DNAAF11: variants seen among roughly 807,000 people sequenced by gnomAD.
The protein encoded by DNAAF11 is dynein axonemal assembly factor 11.
A neutral mutation model predicts 60.8 loss-of-function variants in DNAAF11; 45 were observed. The observed-to-expected ratio is 0.74, with a 90% CI of 0.58 to 0.95. The LOEUF (loss-of-function observed/expected upper bound fraction) is 0.95, where lower values mean the gene tolerates loss of function less well. Among genes scored for constraint, DNAAF11 ranks in the 40% least tolerant of loss-of-function variants. DNAAF11 has a pLI of 0.00. For missense variants in DNAAF11, 546 were observed against 546.2 expected, an observed-to-expected ratio of 1.00 and a Z score of 0.00; for synonymous variants, 191 against 183.5, an observed-to-expected ratio of 1.04 and a Z score of -0.33.
chr8:132,691,123 A>C, the DNAAF11 span, among the ~76,000 whole-genome samples: 2 of 147,102 alleles, frequency 1.4e-5, no homozygotes, highest in Non-Finnish European at 2.9e-5. Context: ...GATTATTTGA[A>C]CTTCTTCTCC....
intron 7 of DNAAF11, among the ~76,000 whole-genome samples, chr8:132,616,308 C>A (rs117159427): frequency 0.029 from 4,427 of 152,066 alleles, 134 homozygotes; most frequent in Admixed American, 0.086. Flanking sequence ...GAGCGTGTAT[C>A]CTTTCTTCCC....
intron 10 of DNAAF11, among the ~76,000 whole-genome samples, chr8:132,593,867 CT>C (rs1201834875): frequency 6.6e-6 from 1 of 152,040 alleles, no homozygotes; most frequent in Non-Finnish European, 1.5e-5. Flanking sequence ...TTAACCACTA[CT>C]ATATACCACC....
chr8:132,620,072 G>A (rs757213146), intron 7 of DNAAF11, among the ~76,000 whole-genome samples: 4 of 152,286 alleles, frequency 2.6e-5, no homozygotes, highest in African/African-American at 7.2e-5. Flanking sequence ...GAAGGTAGGA[G>A]AGCAGCTTGT....
At chr8:132,678,355 A>G (rs1052468206), upstream of DNAAF11, among the ~76,000 whole-genome samples, 1 of 152,204 alleles carries the variant, frequency 6.6e-6, no homozygotes, top group Non-Finnish European at 1.5e-5. Context: ...ACAACCAATA[A>G]CTAATCAATG....
intron 3 of DNAAF11, among the ~76,000 whole-genome samples, chr8:132,642,945 C>A (rs181743765): frequency 6.6e-6 from 1 of 152,198 alleles, no homozygotes; most frequent in Non-Finnish European, 1.5e-5. Context: ...CATTTTTCCA[C>A]GGACGGTGGG....
chr8:132,653,214 A>G (rs1002848982), intron 3 of DNAAF11, among the ~76,000 whole-genome samples: 4 of 152,196 alleles, frequency 2.6e-5, no homozygotes, highest in Non-Finnish European at 1.5e-5. Context: ...AGATGGATGG[A>G]TAGATGGAAG....
chr8:132,615,943 T>C (rs949169050), intron 7 of DNAAF11, among the ~76,000 whole-genome samples: 1 of 152,148 alleles, frequency 6.6e-6, no homozygotes, highest in African/African-American at 2.4e-5. Context: ...CCATTTCTGC[T>C]TGTGGCAGGC....
At chr8:132,609,018 C>T (rs1450533124) in intron 10 of DNAAF11, among the ~76,000 whole-genome samples, 1 of 152,106 alleles carries the variant, frequency 6.6e-6, no homozygotes, top group Non-Finnish European at 1.5e-5. Flanking sequence ...TACTCTTTTT[C>T]CTCATCAGCA....
At chr8:132,631,819 A>G (rs1305950304) in intron 5 of DNAAF11, among the ~76,000 whole-genome samples, 1 of 152,138 alleles carries the variant, frequency 6.6e-6, no homozygotes, top group Non-Finnish European at 1.5e-5. Context: ...GAACAATGAG[A>G]ACACATGGAC....
chr8:132,667,874 G>C (rs937530518), intron 1 of DNAAF11, among the ~76,000 whole-genome samples: 4 of 152,188 alleles, frequency 2.6e-5, no homozygotes, highest in African/African-American at 9.7e-5. Context: ...GATACTGGAG[G>C]CTGTCCTGCT....
At chr8:132,677,981 A>T (rs1825813713), upstream of DNAAF11, among the ~76,000 whole-genome samples, 1 of 152,248 alleles carries the variant, frequency 6.6e-6, no homozygotes, top group African/African-American at 2.4e-5. Context: ...TATGCCTCTT[A>T]ATACTGCTAC....
At chr8:132,623,322 G>A (rs1305108922) in intron 6 of DNAAF11, among the ~76,000 whole-genome samples, 3 of 151,970 alleles carry the variant, frequency 2.0e-5, no homozygotes, top group Admixed American at 1.3e-4. Flanking sequence ...TGTTGATGAT[G>A]TATTTAGTGA....
intron 7 of DNAAF11, among the ~76,000 whole-genome samples, chr8:132,617,974 A>G (rs1270284136): frequency 6.7e-6 from 1 of 149,976 alleles, no homozygotes. Context: ...ACCAAAAAAG[A>G]GCCCACATCG....
chr8:132,661,526 G>T lies in DNAAF11; in HGVS notation c.112C>A (p.His38Asn). 6.2e-7 allele frequency: 1 copy of T among 1,613,578 alleles called. No individual in the cohort carries two copies. The highest frequency in any genetic ancestry group is 1.7e-5 in the Admixed American group (1 of 60,018). ...AAATCCCGGCACCATTTATCAATGT[G>T]TTCTAGTCTTTCTATTTCTTGCTGA... Reference protein sequence around the residue: ...LHQQEIERLEHIDKWCRDLKI... With the variant: ...LHQQEIERLENIDKWCRDLKI... Residue 38 changes from histidine to asparagine, a missense_variant, in exon 2 of 12, where the codon CAC becomes AAC. Physicochemically the swap from His to Asn is moderately conservative, Grantham distance 68 (BLOSUM62 1). Coordinates refer to ENST00000620350, the MANE Select transcript of DNAAF11 (RefSeq NM_012472.6).
chr8:132,640,547 C>G (rs1364303630), intron 3 of DNAAF11, among the ~76,000 whole-genome samples: 1 of 152,044 alleles, frequency 6.6e-6, no homozygotes, highest in Non-Finnish European at 1.5e-5. Flanking sequence ...TCTTTTAATA[C>G]CATCATTATT....
intron 5 of DNAAF11, among the ~76,000 whole-genome samples, chr8:132,630,819 A>T (rs906249525): frequency 3.3e-5 from 5 of 152,290 alleles, no homozygotes; most frequent in South Asian, 2.1e-4. Context: ...TAATTTTTTT[A>T]AAAATAGAGG....
intron 3 of DNAAF11, among the ~76,000 whole-genome samples, chr8:132,642,862 G>T (rs1821993674): frequency 6.6e-6 from 1 of 152,224 alleles, no homozygotes; most frequent in Non-Finnish European, 1.5e-5. Flanking sequence ...CCCACCTGAA[G>T]ATTCTCTGAA....
intron 10 of DNAAF11, among the ~76,000 whole-genome samples, chr8:132,587,113 A>G (rs1815987620): frequency 6.6e-6 from 1 of 152,176 alleles, no homozygotes; most frequent in Non-Finnish European, 1.5e-5. Context: ...TTAGAGCCTT[A>G]AAACACCCCA....
intron 10 of DNAAF11, among the ~76,000 whole-genome samples, chr8:132,584,535 T>C (rs1815678494): frequency 6.6e-6 from 1 of 152,168 alleles, no homozygotes; most frequent in Admixed American, 6.5e-5. Flanking sequence ...AACATTCCTA[T>C]GAGACAGGGA....
Sources: gnomAD v4.1 joint callset for allele counts (sites outside exome capture counted in the v4.1 genomes callset) on GRCh38, gnomAD v4.1.1 for gene constraint, MANE v1.5 for transcripts, NCBI Gene and HGNC (gene_info 2026-07-23, HGNC 2026-07-21) for gene names.